The following CNTN1 variants were observed in gnomAD, a reference collection of about 807,000 sequenced individuals.
CNTN1 encodes contactin 1, also known as contactin-1.
CNTN1 carries 38 observed loss-of-function variants against 126.4 expected under a neutral mutation model. The ratio of observed to expected loss-of-function variants is 0.30; its 90% CI spans 0.23 to 0.39. The LOEUF (loss-of-function observed/expected upper bound fraction) is 0.39. Ranked by LOEUF, CNTN1 falls within the 10% of genes least tolerant of loss-of-function variation. The pLI, the probability that CNTN1 is intolerant of heterozygous loss-of-function variation, is 1.00. For synonymous variants in CNTN1, 413 were observed against 422.6 expected (o/e 0.98, Z 0.28); for missense variants, 1,009 against 1,248.4 (o/e 0.81, Z 2.89).
Position 40,933,715 on chromosome 12 carries a change from A to T in CNTN1, c.822A>T (p.Arg274=). Residue 274 remains arginine (R), a synonymous_variant, in exon 9 of 24, where the codon CGA becomes CGT. Coordinates refer to ENST00000551295, the MANE Select transcript of CNTN1 (RefSeq NM_001843.4). The part of the protein sequence containing the change: ...FALGNPVPDI[R]WRKVLEPMPS... ...TTTAAAGTCCTGTTCCGGATATCCG[A>T]TGGCGGAAGGTTCTAGAACCAATGC... 6.2e-7 allele frequency: 1 copy of T among 1,612,820 alleles called. No individual in the cohort carries two copies. The highest frequency in any genetic ancestry group is 1.1e-5 in the South Asian group (1 of 91,076).
intron 1 of CNTN1, among the ~76,000 whole-genome samples, chr12:40,884,120 A>G (rs1403230347): frequency 6.6e-6 from 1 of 151,582 alleles, no homozygotes; most frequent in Non-Finnish European, 1.5e-5. Flanking sequence ...GTTCTGACAC[A>G]CTGCCATTTA....
intron 17 of CNTN1, among the ~76,000 whole-genome samples, chr12:40,999,899 G>T (rs927245370): frequency 6.6e-6 from 1 of 151,580 alleles, no homozygotes; most frequent in Non-Finnish European, 1.5e-5. Context: ...GTAGAGATGG[G>T]GTTTCACTGT....
intron 23 of CNTN1, among the ~76,000 whole-genome samples, chr12:41,052,586 T>C (rs1300899178): frequency 6.6e-6 from 1 of 152,134 alleles, no homozygotes; most frequent in Admixed American, 6.5e-5. Flanking sequence ...ACTTTATCTA[T>C]CTTTGTAAAC....
intron 1 of CNTN1, among the ~76,000 whole-genome samples, chr12:40,892,461 T>C (rs1038253405): frequency 6.6e-6 from 1 of 152,094 alleles, no homozygotes; most frequent in Non-Finnish European, 1.5e-5. Context: ...TGTATTAGGT[T>C]ACTGACTCCT....
At chr12:40,942,799 A>C (rs968273567) in intron 12 of CNTN1, among the ~76,000 whole-genome samples, 54 of 152,134 alleles carry the variant, frequency 3.5e-4, no homozygotes, top group African/African-American at 1.2e-3. Context: ...GAAATCCTGG[A>C]CTATAATGTT....
intron 1 of CNTN1, among the ~76,000 whole-genome samples, chr12:40,884,311 G>T (rs1238819482): frequency 6.6e-6 from 1 of 150,556 alleles, no homozygotes; most frequent in Non-Finnish European, 1.5e-5. Flanking sequence ...CTAATATTTA[G>T]CCCTGCATTT....
chr12:40,714,501 T>C (rs535856080), intron 1 of CNTN1, among the ~76,000 whole-genome samples: 7 of 152,168 alleles, frequency 4.6e-5, no homozygotes, highest in Non-Finnish European at 7.4e-5. Context: ...TCTTATGTTT[T>C]ATATCTTCAC....
intron 1 of CNTN1, among the ~76,000 whole-genome samples, chr12:40,700,896 A>C (rs557807469): frequency 1.3e-5 from 2 of 152,354 alleles, no homozygotes; most frequent in East Asian, 3.9e-4. Flanking sequence ...TGACCATCTC[A>C]AAACTTTACA....
At chr12:40,991,271 C>T (rs1180320945) in intron 16 of CNTN1, among the ~76,000 whole-genome samples, 2 of 152,070 alleles carry the variant, frequency 1.3e-5, no homozygotes, top group Non-Finnish European at 2.9e-5. Flanking sequence ...TGTGACTCTT[C>T]TCTGTGTCTT....
chr12:40,956,012 G>T (rs1184231508), intron 14 of CNTN1, among the ~76,000 whole-genome samples: 1 of 152,074 alleles, frequency 6.6e-6, no homozygotes, highest in Non-Finnish European at 1.5e-5. Flanking sequence ...CTGAAGGTGT[G>T]TGTACTTCAC....
At chr12:41,018,031 C>T (rs972883991) in intron 19 of CNTN1, among the ~76,000 whole-genome samples, 5 of 151,116 alleles carry the variant, frequency 3.3e-5, no homozygotes, top group Non-Finnish European at 7.4e-5. Context: ...GTGAAGTTGC[C>T]GTGAGCCGAG....
In CNTN1 at chr12:40,988,349, C is replaced by T. The variant is rs116191123; in HGVS notation, c.1964-4771C>T. On this transcript the variant is annotated intron_variant, in intron 16 of 23. Transcript: ENST00000551295. Reference sequence around the variant, plus strand: ...GGACATCAAAGATTCTGCTTGTGTTCGGATCTTAAAGAAATACCAGGACTC... The same window carrying T: ...GGACATCAAAGATTCTGCTTGTGTTTGGATCTTAAAGAAATACCAGGACTC... Among the ~76,000 whole-genome samples the T allele has an allele frequency of 2.6e-3, 400 of 152,180 alleles. 2 individuals are homozygous for T. The highest frequency in any genetic ancestry group is 9.0e-3 in the African/African-American group (374 of 41,516).
chr12:41,021,228 A>G (rs1435796512), intron 20 of CNTN1, among the ~76,000 whole-genome samples: 1 of 152,214 alleles, frequency 6.6e-6, no homozygotes, highest in Non-Finnish European at 1.5e-5. Flanking sequence ...AGAAAGTGTC[A>G]GAGCAGTGTC....
intron 10 of CNTN1, among the ~76,000 whole-genome samples, chr12:40,937,271 C>T (rs1946113886): frequency 1.3e-5 from 2 of 152,030 alleles, no homozygotes; most frequent in Admixed American, 1.3e-4. Context: ...ACCTTTGGCC[C>T]TGGGGACAAG....
At chr12:40,997,699 A>T (rs1405753790) in intron 17 of CNTN1, among the ~76,000 whole-genome samples, 2 of 152,160 alleles carry the variant, frequency 1.3e-5, no homozygotes, top group African/African-American at 4.8e-5. Flanking sequence ...TTCGGGACAC[A>T]TTTGCCTTTC....
At chr12:40,972,310 T>C (rs1284164143) in intron 15 of CNTN1, 22 of 985,172 alleles carry the variant, frequency 2.2e-5, no homozygotes, top group Non-Finnish European at 2.7e-5. Context: ...TTGAGGAGTA[T>C]ATAATTCTTT....
chr12:40,798,738 A>G (rs1245245813), intron 1 of CNTN1, among the ~76,000 whole-genome samples: 1 of 151,954 alleles, frequency 6.6e-6, no homozygotes, highest in African/African-American at 2.4e-5. Context: ...GGGGCCCACC[A>G]GAGGGTGGAG....
At chr12:40,835,288 T>G (rs1007229764) in intron 1 of CNTN1, among the ~76,000 whole-genome samples, 3 of 152,132 alleles carry the variant, frequency 2.0e-5, no homozygotes, top group Non-Finnish European at 4.4e-5. Flanking sequence ...AGTGCAGTTT[T>G]GCACTTTTTA....
chr12:40,904,913 A>G (rs929207009), intron 1 of CNTN1, among the ~76,000 whole-genome samples: 4 of 152,256 alleles, frequency 2.6e-5, no homozygotes, highest in Non-Finnish European at 4.4e-5. Context: ...GCCTAATGGA[A>G]TAATAAATGG....
Sources: gnomAD v4.1 joint callset for allele counts (sites outside exome capture counted in the v4.1 genomes callset) on GRCh38, gnomAD v4.1.1 for gene constraint, MANE v1.5 for transcripts, NCBI Gene and HGNC (gene_info 2026-07-23, HGNC 2026-07-21) for gene names.